Variants in COL24A1 observed in about 807,000 individuals in gnomAD.
COL24A1 encodes the protein collagen type XXIV alpha 1 chain.
COL24A1 carries 224 observed loss-of-function variants against 253.9 expected under a neutral mutation model. That is an observed-to-expected ratio of 0.88 (90% CI 0.79 to 0.99). The LOEUF is 0.99. COL24A1 is among the 50% of genes least tolerant of loss of function. The pLI is 0.00. For synonymous variants in COL24A1, 685 were observed against 673.7 expected, an observed-to-expected ratio of 1.02 and a Z score of -0.26; for missense variants, 2,131 against 2,068.5, an observed-to-expected ratio of 1.03 and a Z score of -0.59.
rs1170230275 is a variant in COL24A1 at position 85,849,353 on chromosome 1, C to CT, written c.3353dup (p.Asp1120Ter). On this transcript the variant is annotated frameshift_variant and splice_region_variant, in exon 38 of 60. Transcript: ENST00000370571. LOFTEE classifies it high-confidence loss of function. ...TGCATAAGAAGATGTAAAAAATTAC[C>CT]TTTTTTCCTGGACGACCTCTTTGCC... is the stretch of plus-strand genomic sequence containing the variant. 8 of 1,611,200 alleles carry CT rather than the reference C, an allele frequency of 5.0e-6. No individual in the cohort carries two copies. Among genetic ancestry groups the CT allele is most frequent in the Non-Finnish European group, 6.8e-6 (8 of 1,178,208 alleles).
chr1:86,006,419 C>A (rs933326973), intron 19 of COL24A1, among the ~76,000 whole-genome samples: 24 of 152,316 alleles, frequency 1.6e-4, no homozygotes, highest in Middle Eastern at 3.4e-3. Flanking sequence ...CAAAGATAGT[C>A]TTTTCAACAA....
chr1:86,069,932 T>C (rs1334490439), intron 7 of COL24A1, among the ~76,000 whole-genome samples: 2 of 152,120 alleles, frequency 1.3e-5, no homozygotes, highest in African/African-American at 4.8e-5. Flanking sequence ...AATGAACATC[T>C]ACAAGTAACA....
chr1:85,882,519 T>C (rs1681981107), intron 32 of COL24A1, among the ~76,000 whole-genome samples: 1 of 152,086 alleles, frequency 6.6e-6, no homozygotes, highest in South Asian at 2.1e-4. Flanking sequence ...TGTTAAGGTG[T>C]TTTATGGCCC....
At chr1:85,982,979 A>G (rs763840679) in intron 20 of COL24A1, among the ~76,000 whole-genome samples, 1 of 152,004 alleles carries the variant, frequency 6.6e-6, no homozygotes, top group Non-Finnish European at 1.5e-5. Context: ...AGAGTTATAC[A>G]TCTTCCTCTT....
chr1:85,736,158 C>T, intron 58 of COL24A1: 1 of 364,916 alleles, frequency 2.7e-6, no homozygotes. Flanking sequence ...AGCATTGTTC[C>T]TGGCACAGAG....
intron 37 of COL24A1, among the ~76,000 whole-genome samples, chr1:85,851,164 T>A (rs1677728602): frequency 6.6e-6 from 1 of 152,080 alleles, no homozygotes; most frequent in Non-Finnish European, 1.5e-5. Flanking sequence ...ACTCCATTTG[T>A]ATCCCCAAGT....
intron 5 of COL24A1, among the ~76,000 whole-genome samples, chr1:86,108,620 T>TAAAGA (rs1491169938): frequency 8.4e-5 from 7 of 83,098 alleles, no homozygotes; most frequent in East Asian, 3.7e-4. Context: ...CCATCTCTAC[T>TAAAGA]AAAAAAAAAA....
intron 47 of COL24A1, among the ~76,000 whole-genome samples, chr1:85,793,006 G>A (rs981849281): frequency 6.6e-6 from 1 of 152,054 alleles, no homozygotes; most frequent in East Asian, 1.9e-4. Flanking sequence ...TTCTGTGGAA[G>A]GTCTGGTTGA....
Position 85,862,941 on chromosome 1 carries a change from T to C in COL24A1, c.3300+5578A>G, listed in dbSNP as rs773983169. ...ATTTTCATGATACTGATTCTTCCTA[T>C]CCATGAGCATGGAATGTTCTTCCAT... On this transcript the variant is annotated intron_variant, in intron 37 of 59. Transcript: ENST00000370571. Among the ~76,000 whole-genome samples, 94 of 152,266 alleles carry C rather than the reference T, an allele frequency of 6.2e-4. 1 individual carries two copies. Among genetic ancestry groups the C allele is most frequent in the Admixed American group, 6.0e-3 (91 of 15,292 alleles).
intron 19 of COL24A1, among the ~76,000 whole-genome samples, chr1:86,002,914 C>T (rs1413417435): frequency 6.6e-6 from 1 of 152,100 alleles, no homozygotes; most frequent in Non-Finnish European, 1.5e-5. Context: ...CTACTCTAGC[C>T]CATATACCAG....
chr1:86,092,347 G>A, intron 5 of COL24A1, 27 bp from the exon 6 acceptor site: 1 of 1,558,870 alleles, frequency 6.4e-7, no homozygotes. Context: ...TAAAACAGTT[G>A]GTGAAGCATA....
chr1:86,091,838 C>G (rs995110529), intron 6 of COL24A1, among the ~76,000 whole-genome samples: 2 of 151,944 alleles, frequency 1.3e-5, no homozygotes, highest in Non-Finnish European at 2.9e-5. Context: ...TAGTGGTGAC[C>G]GCTTCTCTCA....
chr1:85,933,573 C>T (rs1687996001), intron 24 of COL24A1, among the ~76,000 whole-genome samples: 1 of 152,192 alleles, frequency 6.6e-6, no homozygotes, highest in African/African-American at 2.4e-5. Flanking sequence ...ATAACCTCTT[C>T]CTTCTTAACA....
At chr1:85,795,210 C>A (rs1670682581) in intron 47 of COL24A1, among the ~76,000 whole-genome samples, 1 of 152,092 alleles carries the variant, frequency 6.6e-6, no homozygotes, top group African/African-American at 2.4e-5. Context: ...TGCAAGTCTG[C>A]CTTCATTTTA....
intron 52 of COL24A1, among the ~76,000 whole-genome samples, chr1:85,777,249 C>A (rs1668637474): frequency 6.6e-6 from 1 of 151,430 alleles, no homozygotes; most frequent in Non-Finnish European, 1.5e-5. Context: ...CGCCTGGACC[C>A]TGATTTTTAA....
At chr1:85,990,984 A>T (rs767697808) in intron 19 of COL24A1, among the ~76,000 whole-genome samples, 5 of 152,222 alleles carry the variant, frequency 3.3e-5, no homozygotes, top group East Asian at 1.9e-4. Context: ...GAAGAGGATT[A>T]AAAAAATCTC....
intron 35 of COL24A1, among the ~76,000 whole-genome samples, chr1:85,869,765 G>A (rs1245005264): frequency 3.3e-5 from 5 of 152,066 alleles, no homozygotes; most frequent in African/African-American, 9.7e-5. Context: ...AAAGACCATC[G>A]ATGCTAGGAA....
chr1:85,882,415 A>G (rs1681960032), intron 32 of COL24A1, among the ~76,000 whole-genome samples: 1 of 152,144 alleles, frequency 6.6e-6, no homozygotes, highest in Admixed American at 6.5e-5. Flanking sequence ...CAGTGAGCCG[A>G]GATCGGCCAC....
At position 86,058,824 on chromosome 1, in the gene COL24A1, A is replaced by G. The variant is rs544998153; in HGVS notation, c.1806+297T>C. Among the ~76,000 whole-genome samples the G allele has an allele frequency of 3.3e-5, 5 of 152,232 alleles. No homozygotes were observed. The South Asian group carries it at 8.3e-4, about 25-fold the overall frequency. On this transcript the variant is annotated intron_variant, in intron 9 of 59. Coordinates refer to ENST00000370571, the MANE Select transcript of COL24A1 (RefSeq NM_152890.7). The stretch of plus-strand genomic sequence containing the variant: ...TTACTTCATTTTGTTCAGTGACAGT[A>G]TTGTAAAATCACAATCAGGACTGTT...
Sources: gnomAD v4.1 joint callset for allele counts (sites outside exome capture counted in the v4.1 genomes callset) on GRCh38, gnomAD v4.1.1 for gene constraint, MANE v1.5 for transcripts, NCBI Gene and HGNC (gene_info 2026-07-23, HGNC 2026-07-21) for gene names.